NBPF8: variants seen among roughly 807,000 people sequenced by gnomAD.
NBPF8 encodes NBPF member 8, also known as NBPF family member NBPF8.
At chr1:120,431,873 A>G (rs1316291002), upstream of NBPF8, among the ~76,000 whole-genome samples, 2 of 145,510 alleles carry the variant, frequency 1.4e-5, no homozygotes, top group Non-Finnish European at 3.0e-5. Flanking sequence ...ACACAGATGA[A>G]CTGGGGAGGA....
chr1:120,469,047 C>T (rs1212220065), downstream of NBPF8, among the ~76,000 whole-genome samples: 1 of 149,980 alleles, frequency 6.7e-6, no homozygotes, highest in African/African-American at 2.5e-5. Flanking sequence ...GGACTTGCTC[C>T]CTCCTATCCT....
upstream of NBPF8, among the ~76,000 whole-genome samples, chr1:120,415,584 G>T (rs1660411467): frequency 6.6e-6 from 1 of 152,148 alleles, no homozygotes; most frequent in Admixed American, 6.5e-5. Flanking sequence ...GTATCCTGTG[G>T]AGGACCCTGA....
chr1:120,461,049 TG>T, intron 18 of NBPF8, among the ~76,000 whole-genome samples: 1 of 150,828 alleles, frequency 6.6e-6, no homozygotes. Context: ...TGTGTGTGTG[TG>T]TGTGTGTGTG....
chr1:120,450,843 T>C (rs1291781533), intron 11 of NBPF8, among the ~76,000 whole-genome samples: 28,993 of 150,108 alleles, frequency 0.19, 2,682 homozygotes, highest in East Asian at 0.63. Context: ...CCCAGTGCAG[T>C]GTTTTAGAGG....
Position 120,425,093 on chromosome 1 carries a change from G to A in NBPF8, n.270-654G>A, listed in dbSNP as rs1450607968. On this transcript the variant is annotated intron_variant and non_coding_transcript_variant, in intron 1 of 28. Transcript: ENST00000652355. ...CTAGGAAAGCCAGGTATTGTCCAAG[G>A]TTTCTCCCCATGTGATAGTCTGAAA... Among the ~76,000 whole-genome samples the A allele has an allele frequency of 1.8e-4, 27 of 151,178 alleles. No individual in the cohort carries two copies. In the East Asian group the frequency reaches 3.3e-3, roughly 19 times the overall value.
intron 3 of NBPF8, among the ~76,000 whole-genome samples, chr1:120,429,490 T>C (rs1202280946): frequency 6.6e-6 from 1 of 152,122 alleles, no homozygotes; most frequent in Non-Finnish European, 1.5e-5. Flanking sequence ...AACAACAGGG[T>C]TCTGGAAGAG....
intron 15 of NBPF8, among the ~76,000 whole-genome samples, chr1:120,454,740 A>G (rs1407622252): frequency 4.6e-5 from 3 of 65,564 alleles, no homozygotes; most frequent in Admixed American, 2.0e-4. Context: ...TTTGCGATGG[A>G]GTCTTGCTCT....
Position 120,430,743 on chromosome 1 carries a change from A to T in NBPF8, n.510+2896A>T, listed in dbSNP as rs1256679984. Among the ~76,000 whole-genome samples the T allele has an allele frequency of 7.2e-5, 9 of 125,430 alleles. No individual in the cohort carries two copies. In the Admixed American group the frequency reaches 8.0e-4, roughly 11 times the overall value. The allele number at this position is 125,430 out of a possible 152,430, so 82.3% of individuals were successfully genotyped here. A position where few individuals can be genotyped will look rare whatever the true frequency, so the allele number is the denominator to read the frequency against. On this transcript the variant is annotated intron_variant and non_coding_transcript_variant, in intron 3 of 28. Coordinates refer to the NBPF8 transcript ENST00000652355. ...ACTCCAGCCTGGGTAACAGAGCAAG[A>T]CTCTGTCTCAAAAAAAAAAAAAAAA...
chr1:120,417,039 C>T (rs1167331460), upstream of NBPF8, among the ~76,000 whole-genome samples: 2 of 125,900 alleles, frequency 1.6e-5, no homozygotes, highest in Non-Finnish European at 3.3e-5. Context: ...TACTTTTTTC[C>T]GGATATGTGT....
intron 8 of NBPF8, among the ~76,000 whole-genome samples, chr1:120,446,195 A>G (rs1661156496): frequency 1.3e-5 from 2 of 151,270 alleles, no homozygotes; most frequent in Non-Finnish European, 2.9e-5. Context: ...GGGTAAGAAC[A>G]GAGATGGGAA....
chr1:120,460,013 CTG>C (rs1661532997), intron 17 of NBPF8, among the ~76,000 whole-genome samples: 1 of 152,074 alleles, frequency 6.6e-6, no homozygotes, highest in Non-Finnish European at 1.5e-5. Flanking sequence ...TTCCCATTTT[CTG>C]TGTCTTCTAA....
rs202089337 is a variant in NBPF8 at position 120,461,016 on chromosome 1, CTGTGTGTGTG to C, written n.2837-198_2837-189del. On this transcript the variant is annotated intron_variant and non_coding_transcript_variant, in intron 18 of 24. Transcript: ENST00000583271. ...ACCTGACCAATTCACTGAGCTCGAA[CTGTGTGTGTG>C]TGTGTGTGTGTGTGTGTGTGTGTGT... Among the ~76,000 whole-genome samples the C allele has an allele frequency of 3.3e-3, 436 of 131,304 alleles. 3 individuals carry two copies. The highest frequency in any genetic ancestry group is 7.8e-3 in the East Asian group (35 of 4,470). The allele number at this position is 131,304 out of a possible 152,430, so 86.1% of individuals were successfully genotyped here.
intron 21 of NBPF8, among the ~76,000 whole-genome samples, 187 bp downstream of exon 19, chr1:120,463,153 G>A (rs1476969103): frequency 1.3e-5 from 2 of 150,108 alleles, no homozygotes. Flanking sequence ...GGGTCAGTGA[G>A]CAAGGCTCTA....
At chr1:120,435,652 C>G (rs1161891747), upstream of NBPF8, among the ~76,000 whole-genome samples, 4 of 148,920 alleles carry the variant, frequency 2.7e-5, no homozygotes, top group Non-Finnish European at 5.9e-5. Context: ...ACCATCGTGG[C>G]TAACACAGTG....
intron 1 of NBPF8, among the ~76,000 whole-genome samples, chr1:120,421,442 T>A (rs587770888): frequency 2.7e-5 from 4 of 150,130 alleles, no homozygotes; most frequent in Non-Finnish European, 5.9e-5. Context: ...CTCCTTCCCT[T>A]CTGCCTTCCC....
intron 23 of NBPF8, among the ~76,000 whole-genome samples, 163 bp downstream of exon 21, chr1:120,464,711 C>G (rs1289392997): frequency 7.0e-6 from 1 of 142,728 alleles, no homozygotes; most frequent in Non-Finnish European, 1.5e-5. Context: ...ACCTGGAAGC[C>G]CAGACAAGGG....
intron 17 of NBPF8, among the ~76,000 whole-genome samples, chr1:120,460,135 C>G (rs1164261032): frequency 0.01 from 1,549 of 152,190 alleles, 13 homozygotes; most frequent in Non-Finnish European, 0.016. Flanking sequence ...TGTGTAGAAC[C>G]AAGTTTCATT....
chr1:120,418,931 T>C (rs1427966286), upstream of NBPF8, among the ~76,000 whole-genome samples: 1 of 151,846 alleles, frequency 6.6e-6, no homozygotes, highest in Non-Finnish European at 1.5e-5. Flanking sequence ...GAATATAGTA[T>C]TCATTGTTGT....
chr1:120,454,420 G>A (rs1661376379), intron 15 of NBPF8, among the ~76,000 whole-genome samples: 1 of 151,798 alleles, frequency 6.6e-6, no homozygotes, highest in African/African-American at 2.4e-5. Context: ...CTGTGATTAA[G>A]TCATCTGTCC....
Sources: allele counts gnomAD v4.1 joint callset (sites outside exome capture counted in the v4.1 genomes callset), GRCh38; gene constraint gnomAD v4.1.1; transcripts MANE v1.5; gene names NCBI Gene and HGNC (gene_info 2026-07-23, HGNC 2026-07-21).